Variants in NLRP14 observed in about 807,000 individuals in gnomAD.
The protein encoded by NLRP14 is NACHT, LRR and PYD domains-containing protein 14.
In NLRP14, 105 loss-of-function variants were observed where a neutral mutation model predicts 94.7. That is an observed-to-expected ratio of 1.11 (90% CI 0.95 to 1.30). NLRP14 has a LOEUF of 1.30. Among genes scored for constraint, NLRP14 ranks in the 50% most tolerant of loss-of-function variants. The probability of loss-of-function intolerance (pLI) is 0.00; values close to 1 mark genes in which losing one functional copy is unlikely to be tolerated. For missense variants in NLRP14, 1,362 were observed against 1,254.1 expected (o/e 1.09, Z -1.30); for synonymous variants, 508 against 459.9 (o/e 1.10, Z -1.34).
the NLRP14 span, chr11:7,089,041 C>T: frequency 1.3e-6 from 2 of 1,511,884 alleles, no homozygotes; most frequent in Non-Finnish European, 9.0e-7. Context: ...GAGCCGCCCT[C>T]GACGAGCGAG....
At chr11:7,078,067 C>A in the NLRP14 span, among the ~76,000 whole-genome samples, 4 of 152,020 alleles carry the variant, frequency 2.6e-5, no homozygotes, top group Non-Finnish European at 4.4e-5. Flanking sequence ...GAATATACAC[C>A]TAAAAATGAC....
chr11:7,070,595 T>C (rs1434959235), intron 11 of NLRP14, 139 bp downstream of exon 11: 3 of 645,132 alleles, frequency 4.7e-6, no homozygotes, highest in African/African-American at 1.8e-5. Context: ...TTTTCTGTCA[T>C]AGAACACTGA....
chr11:7,040,964 T>A (rs934151366), intron 3 of NLRP14, among the ~76,000 whole-genome samples: 1 of 152,220 alleles, frequency 6.6e-6, no homozygotes, highest in Non-Finnish European at 1.5e-5. Context: ...AGCTAATAAA[T>A]GTCTTCAAAT....
At chr11:7,085,406 C>T in the NLRP14 span, among the ~76,000 whole-genome samples, 2 of 152,142 alleles carry the variant, frequency 1.3e-5, no homozygotes, top group African/African-American at 4.8e-5. Context: ...CCTCCTAGCC[C>T]CTGGCAACTA....
At chr11:7,058,092 C>A (rs534430334) in intron 7 of NLRP14, among the ~76,000 whole-genome samples, 188 bp from the exon 8 acceptor site, 21 of 151,826 alleles carry the variant, frequency 1.4e-4, no homozygotes, top group Non-Finnish European at 2.1e-4. Context: ...CCCCTCTCCC[C>A]TTCCGTGTTT....
Position 7,043,494 on chromosome 11 carries a change from A to G in NLRP14, c.1468A>G (p.Met490Val), listed in dbSNP as rs757248652. 4.3e-6 allele frequency: 7 copies of G among 1,613,992 alleles called. No individual in the cohort carries two copies. The highest frequency in any genetic ancestry group is 1.7e-5 in the Admixed American group (1 of 59,992). The change falls in exon 4 of 12, where the codon ATG (methionine) becomes GTG (valine). Residue 490 changes from methionine (M) to valine (V), a missense_variant. By Grantham distance (21) the Met-to-Val change is conservative. Transcript: ENST00000299481. ...TCATGTTCAGGAGTTTTTTGCAGCTATGTTCTATATGTTGAAAGGCAGTTG... is the reference window on the plus strand; with the variant it reads ...TCATGTTCAGGAGTTTTTTGCAGCTGTGTTCTATATGTTGAAAGGCAGTTG... ...HLHVQEFFAA[M>V]FYMLKGSWEA...
At chr11:7,058,212 C>T in intron 7 of NLRP14, 68 bp from the exon 8 acceptor site, 1 of 1,352,702 alleles carries the variant, frequency 7.4e-7, no homozygotes, top group Non-Finnish European at 1.1e-6. Context: ...ACTGATTTCC[C>T]TGTGAAGGAG....
chr11:7,042,359 G>GT (rs776022201), intron 3 of NLRP14, 29 bp from the exon 4 acceptor site: 373 of 1,601,256 alleles, frequency 2.3e-4, no homozygotes, highest in Middle Eastern at 1.6e-3. Flanking sequence ...CTTTGTTTTT[G>GT]TTTTTTTACC....
At chr11:7,036,476 T>G (rs1852164511) in intron 1 of NLRP14, among the ~76,000 whole-genome samples, 1 of 151,998 alleles carries the variant, frequency 6.6e-6, no homozygotes. Flanking sequence ...ATGAAAAAAG[T>G]GTGGGATTAT....
Position 7,043,737 on chromosome 11 carries a change from G to A in NLRP14, c.1711G>A (p.Asp571Asn), listed in dbSNP as rs781290439. The change falls in exon 4 of 12, where the codon GAC becomes AAC. Residue 571 changes from aspartate (D) to asparagine (N), a missense_variant. By Grantham distance (23) the Asp-to-Asn change is conservative. Coordinates refer to ENST00000299481, the MANE Select transcript of NLRP14 (RefSeq NM_176822.4). Reference sequence around the variant, plus strand: ...GTGTATGGAAGTATTAGGAAACAGTGACTATTCTCCATCACAGCTGGGATT... The same window carrying A: ...GTGTATGGAAGTATTAGGAAACAGTAACTATTCTCCATCACAGCTGGGATT... Reference protein sequence around the residue: ...LQCMEVLGNSDYSPSQLGFLE... With the variant: ...LQCMEVLGNSNYSPSQLGFLE... 5.6e-6 allele frequency: 9 copies of A among 1,614,096 alleles called. No individual in the cohort carries two copies. In the South Asian group the frequency reaches 9.9e-5, roughly 18 times the overall value.
intron 3 of NLRP14, 102 bp downstream of exon 3, chr11:7,039,887 C>A: frequency 3.3e-6 from 3 of 901,722 alleles, no homozygotes; most frequent in Non-Finnish European, 5.6e-6. Context: ...TTGTTAACTT[C>A]TTCTAATACC....
downstream of NLRP14, among the ~76,000 whole-genome samples, chr11:7,073,076 G>T (rs978519654): frequency 1.3e-5 from 2 of 152,120 alleles, no homozygotes; most frequent in Non-Finnish European, 2.9e-5. Context: ...TAGTCTTAGG[G>T]CCTCTCCATG....
rs1276913740 is a variant in NLRP14, at chr11:7,043,202, C to T, written c.1176C>T (p.Thr392=). 3.7e-6 allele frequency: 6 copies of T among 1,614,010 alleles called. No homozygotes were observed. Among genetic ancestry groups the T allele is most frequent in the Non-Finnish European group, 5.1e-6 (6 of 1,180,036 alleles). ...QMEKGGDVTL[T]CQTTTALFTC... Reference sequence around the variant, plus strand: ...AGAAGGGTGGTGATGTCACATTGACCTGCCAAACAACCACAGCTCTGTTTA... The same window carrying T: ...AGAAGGGTGGTGATGTCACATTGACTTGCCAAACAACCACAGCTCTGTTTA... The change falls in exon 4 of 12, where the codon ACC becomes ACT. Residue 392 remains threonine, a synonymous_variant. Coordinates refer to ENST00000299481, the MANE Select transcript of NLRP14 (RefSeq NM_176822.4).
At chr11:7,038,417 A>G in intron 1 of NLRP14, 149 bp from the exon 2 acceptor site, 1 of 637,604 alleles carries the variant, frequency 1.6e-6, no homozygotes, top group South Asian at 1.9e-5. Context: ...TATATTACAG[A>G]GGACACTAGG....
the NLRP14 span, among the ~76,000 whole-genome samples, chr11:7,080,897 G>A: frequency 3.7e-4 from 57 of 152,118 alleles, no homozygotes; most frequent in Admixed American, 3.4e-3. Flanking sequence ...GTATATATTG[G>A]TTTTAGGGTG....
rs749148893 is a variant in NLRP14 at position 7,058,327 on chromosome 11, T to C, written c.2510T>C (p.Leu837Ser). ...LTEAGCEYLS[L>S]ALISNKRLTH... Reference sequence around the variant, plus strand: ...GAGGCTGGCTGTGAGTATCTTTCTTTGGCTCTCATCAGCAATAAAAGACTG... The same window carrying C: ...GAGGCTGGCTGTGAGTATCTTTCTTCGGCTCTCATCAGCAATAAAAGACTG... The change falls in exon 8 of 12, where the codon TTG becomes TCG. Residue 837 changes from leucine to serine, a missense_variant. By Grantham distance (145) the Leu-to-Ser change is moderately radical (BLOSUM62 -2). Transcript: ENST00000299481. 3 of 1,612,784 alleles carry C rather than the reference T, an allele frequency of 1.9e-6. No individual in the cohort carries two copies. Among genetic ancestry groups the C allele is most frequent in the South Asian group, 1.1e-5 (1 of 91,048 alleles).
At chr11:7,035,697 T>C (rs966836533) in intron 1 of NLRP14, among the ~76,000 whole-genome samples, 3 of 152,170 alleles carry the variant, frequency 2.0e-5, no homozygotes, top group African/African-American at 7.2e-5. Context: ...GAGACCTCCA[T>C]ATCTCTCCCC....
At chr11:7,073,698 G>C (rs932919287), downstream of NLRP14, among the ~76,000 whole-genome samples, 10 of 152,166 alleles carry the variant, frequency 6.6e-5, no homozygotes, top group Non-Finnish European at 8.8e-5. Flanking sequence ...CTTTGCTTAT[G>C]TTTACCCATT....
chr11:7,049,051 G>T (rs1013622268), intron 5 of NLRP14, among the ~76,000 whole-genome samples: 3 of 152,152 alleles, frequency 2.0e-5, no homozygotes, highest in African/African-American at 4.8e-5. Context: ...AGGAGGAAAG[G>T]TGGTGTTACA....
Sources: gnomAD v4.1 joint callset for allele counts (sites outside exome capture counted in the v4.1 genomes callset) on GRCh38, gnomAD v4.1.1 for gene constraint, MANE v1.5 for transcripts, NCBI Gene and HGNC (gene_info 2026-07-23, HGNC 2026-07-21) for gene names.